SULF1: variants seen among roughly 807,000 people sequenced by gnomAD.
SULF1 encodes sulfatase 1.
In SULF1, 46 loss-of-function variants were observed where a neutral mutation model predicts 110.5. That is an observed-to-expected ratio of 0.42 (90% CI 0.33 to 0.53). The LOEUF (loss-of-function observed/expected upper bound fraction) is 0.53, where lower values mean the gene tolerates loss of function less well. Ranked by LOEUF, SULF1 falls within the 20% of genes least tolerant of loss-of-function variation. SULF1 has a pLI of 0.12. For synonymous variants in SULF1, 371 were observed against 387.1 expected (o/e 0.96, Z 0.49); for missense variants, 941 against 1,094.2 (o/e 0.86, Z 1.98).
At chr8:69,589,833 A>G (rs1280446706) in intron 8 of SULF1, among the ~76,000 whole-genome samples, 1 of 152,180 alleles carries the variant, frequency 6.6e-6, no homozygotes, top group Non-Finnish European at 1.5e-5. Flanking sequence ...AGCAAAGAAC[A>G]TGATTTTGTT....
intron 3 of SULF1, among the ~76,000 whole-genome samples, chr8:69,561,059 G>A (rs982105579): frequency 2.0e-5 from 3 of 152,104 alleles, no homozygotes; most frequent in African/African-American, 4.8e-5. Context: ...GCCCAGCAAG[G>A]TGACCACAGT....
chr8:69,613,220 TTTATGCCA>T (rs1808801181), intron 13 of SULF1, among the ~76,000 whole-genome samples: 1 of 152,140 alleles, frequency 6.6e-6, no homozygotes, highest in South Asian at 2.1e-4. Flanking sequence ...TGTGCCTGTT[TTTATGCCA>T]GTACCATGCT....
At chr8:69,554,468 T>A (rs942208364) in intron 3 of SULF1, among the ~76,000 whole-genome samples, 4 of 152,178 alleles carry the variant, frequency 2.6e-5, no homozygotes, top group Non-Finnish European at 4.4e-5. Context: ...AAAGGTTACT[T>A]TTTTGTAACA....
At chr8:69,476,549 G>A (rs1376917729) in intron 1 of SULF1, among the ~76,000 whole-genome samples, 1 of 152,344 alleles carries the variant, frequency 6.6e-6, no homozygotes, top group South Asian at 2.1e-4. Context: ...CTGAAAATTT[G>A]TGGGAATAGC....
intron 19 of SULF1, chr8:69,637,691 C>G (rs1811165853): frequency 6.5e-6 from 1 of 152,838 alleles, no homozygotes; most frequent in African/African-American, 2.4e-5. Flanking sequence ...TGGTGCATGC[C>G]TGTAGTCCCA....
chr8:69,569,460 G>A (rs1397646330), intron 5 of SULF1, among the ~76,000 whole-genome samples: 1 of 152,162 alleles, frequency 6.6e-6, no homozygotes, highest in Non-Finnish European at 1.5e-5. Flanking sequence ...ATGTTTGAAG[G>A]GGAGCTGCAG....
At chr8:69,549,796 C>T (rs950782297) in intron 3 of SULF1, among the ~76,000 whole-genome samples, 1 of 152,088 alleles carries the variant, frequency 6.6e-6, no homozygotes, top group African/African-American at 2.4e-5. Context: ...CAAGTTGTCT[C>T]GCGACTCCAC....
intron 1 of SULF1, among the ~76,000 whole-genome samples, chr8:69,476,339 A>G (rs1172781923): frequency 6.6e-6 from 1 of 151,984 alleles, no homozygotes; most frequent in Non-Finnish European, 1.5e-5. Flanking sequence ...ACCATTTCCT[A>G]TTCAAAATAA....
chr8:69,623,258 T>G (rs1199021477), intron 14 of SULF1, among the ~76,000 whole-genome samples: 1 of 151,772 alleles, frequency 6.6e-6, no homozygotes, highest in African/African-American at 2.4e-5. Flanking sequence ...CAAATAGAAG[T>G]TGTCTAGAGC....
intron 3 of SULF1, among the ~76,000 whole-genome samples, chr8:69,502,748 T>A (rs1810903853): frequency 6.8e-6 from 1 of 147,684 alleles, no homozygotes; most frequent in Admixed American, 7.0e-5. Flanking sequence ...AGTGTAGTGG[T>A]GTGATCTTGG....
At chr8:69,508,458 G>A (rs1235170299) in intron 3 of SULF1, among the ~76,000 whole-genome samples, 1 of 152,104 alleles carries the variant, frequency 6.6e-6, no homozygotes, top group African/African-American at 2.4e-5. Flanking sequence ...CAAATTGTCA[G>A]CACCATCAGA....
chr8:69,544,340 C>T (rs771846200), intron 3 of SULF1, among the ~76,000 whole-genome samples: 1 of 151,934 alleles, frequency 6.6e-6, no homozygotes, highest in Non-Finnish European at 1.5e-5. Context: ...ACGATCTCGG[C>T]TCACTACAAC....
At chr8:69,589,303 T>C (rs951228226) in intron 8 of SULF1, among the ~76,000 whole-genome samples, 162 bp downstream of exon 8, 1 of 152,208 alleles carries the variant, frequency 6.6e-6, no homozygotes, top group Non-Finnish European at 1.5e-5. Flanking sequence ...GCAGAGCCGC[T>C]GAGCCTGAAA....
chr8:69,638,933 C>A, intron 21 of SULF1, 75 bp downstream of exon 21: 1 of 1,374,998 alleles, frequency 7.3e-7, no homozygotes, highest in Non-Finnish European at 9.9e-7. Context: ...GCCTTGGAAA[C>A]ATTTAATTGC....
intron 19 of SULF1, among the ~76,000 whole-genome samples, chr8:69,631,833 G>A (rs895843195): frequency 3.3e-5 from 5 of 152,230 alleles, no homozygotes; most frequent in Non-Finnish European, 7.3e-5. Flanking sequence ...CACCCTCTCT[G>A]TGCCTCAGAC....
At chr8:69,579,375 C>A (rs761694050) in intron 6 of SULF1, among the ~76,000 whole-genome samples, 2 of 151,632 alleles carry the variant, frequency 1.3e-5, no homozygotes, top group Non-Finnish European at 2.9e-5. Flanking sequence ...ATAGCAAAAC[C>A]CCATCTCTAC....
rs183469559 is a variant in SULF1 at position 69,579,293 on chromosome 8, C to T, written c.412+3084C>T. 1.3e-4 allele frequency among the ~76,000 whole-genome samples: 20 copies of T among 151,688 alleles called. No homozygotes were observed. The East Asian group carries it at 3.9e-3, about 29-fold the overall frequency. On this transcript the variant is annotated intron_variant, in intron 6 of 22. Transcript: ENST00000402687. ...TTGGGGCCGGGTGCAGTGGCTCATA[C>T]CTGTAATCCCAGCACTTTGGGAGGC...
intron 20 of SULF1, 27 bp downstream of exon 20, chr8:69,638,671 A>T: frequency 6.2e-7 from 1 of 1,611,930 alleles, no homozygotes; most frequent in Non-Finnish European, 8.5e-7. Context: ...TCATTTTATG[A>T]AGGTTGTTGA....
intron 8 of SULF1, among the ~76,000 whole-genome samples, chr8:69,596,388 C>T (rs1320871550): frequency 1.3e-5 from 2 of 152,006 alleles, no homozygotes; most frequent in Non-Finnish European, 2.9e-5. Flanking sequence ...AATTTTAAAG[C>T]AAATAACCAG....
Sources: gnomAD v4.1 joint callset for allele counts (sites outside exome capture counted in the v4.1 genomes callset) on GRCh38, gnomAD v4.1.1 for gene constraint, MANE v1.5 for transcripts, NCBI Gene and HGNC (gene_info 2026-07-23, HGNC 2026-07-21) for gene names.